Variants in ANXA8 observed in about 807,000 individuals in gnomAD.
The protein encoded by ANXA8 is VAC-beta.
Under a neutral mutation model 26.8 loss-of-function variants are expected in ANXA8, and 9 were observed. That is an observed-to-expected ratio of 0.34 (90% confidence interval 0.20 to 0.59). ANXA8 has a LOEUF of 0.59. Ranked by LOEUF, ANXA8 falls within the 20% of genes least tolerant of loss-of-function variation. ANXA8 has a pLI of 0.84. For missense variants in ANXA8, 83 were observed against 238.5 expected, an observed-to-expected ratio of 0.35 and a Z score of 4.29; for synonymous variants, 39 against 94.8, an observed-to-expected ratio of 0.41 and a Z score of 3.42.
At chr10:47,733,247 CTTTCTT>C in the ANXA8 span, among the ~76,000 whole-genome samples, 5 of 87,578 alleles carry the variant, frequency 5.7e-5, 1 homozygote, top group African/African-American at 1.4e-4. Flanking sequence ...TTCTTTCTTT[CTTTCTT>C]TCTTTCTTTC....
At chr10:47,956,999 T>C in the ANXA8 span, among the ~76,000 whole-genome samples, 1 of 150,442 alleles carries the variant, frequency 6.6e-6, no homozygotes, top group Non-Finnish European at 1.5e-5. Context: ...ATCCTTCCCT[T>C]AGTATCTCAG....
At chr10:47,491,643 T>A in the ANXA8 span, 9 of 1,540,546 alleles carry the variant, frequency 5.8e-6, no homozygotes, top group Admixed American at 2.0e-5. Flanking sequence ...GGCCAGGCCC[T>A]CGGCAGCCAG....
the ANXA8 span, among the ~76,000 whole-genome samples, chr10:47,743,335 T>TATATACACATATAC: frequency 4.1e-5 from 3 of 72,872 alleles, no homozygotes; most frequent in South Asian, 6.0e-4. Flanking sequence ...TATACATATA[T>TATATACACATATAC]ATATACATAT....
chr10:47,560,620 T>G, the ANXA8 span, among the ~76,000 whole-genome samples: 2 of 151,960 alleles, frequency 1.3e-5, no homozygotes, highest in African/African-American at 4.8e-5. Flanking sequence ...ATTCCCCATG[T>G]GCGATGTTCC....
chr10:47,941,442 G>GCT, the ANXA8 span, among the ~76,000 whole-genome samples: 1 of 146,682 alleles, frequency 6.8e-6, no homozygotes, highest in African/African-American at 2.6e-5. Flanking sequence ...ATCACTTGAG[G>GCT]TCAGGAGTTT....
the ANXA8 span, among the ~76,000 whole-genome samples, chr10:47,493,065 G>A: frequency 3.3e-5 from 5 of 151,646 alleles, no homozygotes; most frequent in South Asian, 4.1e-4. Flanking sequence ...AGTGGGTATC[G>A]TGGGCAGCAG....
chr10:47,485,191 A>G (rs1219779759), upstream of ANXA8, among the ~76,000 whole-genome samples: 8 of 152,120 alleles, frequency 5.3e-5, no homozygotes, highest in Admixed American at 5.2e-4. Flanking sequence ...TTTTCATCCA[A>G]GCGATTTGGT....
intron 7 of ANXA8, 52 bp downstream of exon 7, chr10:47,474,893 G>A: frequency 6.5e-7 from 1 of 1,528,838 alleles, no homozygotes; most frequent in South Asian, 1.2e-5. Flanking sequence ...AGAGGAGCCG[G>A]AGTCCAGATG....
the ANXA8 span, among the ~76,000 whole-genome samples, chr10:47,688,595 T>C: frequency 4.0e-5 from 6 of 151,502 alleles, no homozygotes; most frequent in South Asian, 1.3e-3. Flanking sequence ...CTAATTTTTG[T>C]ATTTTTAGTA....
chr10:47,931,734 A>AGAG, the ANXA8 span, among the ~76,000 whole-genome samples: 44 of 2,228 alleles, frequency 0.02, no homozygotes, highest in African/African-American at 0.087. Context: ...CCAAGAGGCC[A>AGAG]GTGAGGACAA....
the ANXA8 span, among the ~76,000 whole-genome samples, chr10:47,663,441 A>G: frequency 1.4e-5 from 2 of 139,512 alleles, no homozygotes; most frequent in Non-Finnish European, 3.0e-5. Flanking sequence ...GGCTGAGTGC[A>G]ATGACATCAT....
chr10:47,762,239 A>C, the ANXA8 span, among the ~76,000 whole-genome samples: 1 of 152,050 alleles, frequency 6.6e-6, no homozygotes, highest in African/African-American at 2.4e-5. Context: ...AAGAGGGGGC[A>C]AGGCCCCATT....
the ANXA8 span, among the ~76,000 whole-genome samples, chr10:47,967,199 G>C: frequency 6.7e-6 from 1 of 149,684 alleles, no homozygotes; most frequent in Non-Finnish European, 1.5e-5. Context: ...CCCCAGTCCT[G>C]GCCTCACTCT....
At chr10:47,982,114 C>T in the ANXA8 span, among the ~76,000 whole-genome samples, 1 of 151,246 alleles carries the variant, frequency 6.6e-6, no homozygotes, top group African/African-American at 2.4e-5. Context: ...ATAATGAGAC[C>T]CCATCTCTAC....
At chr10:47,497,706 G>A in the ANXA8 span, among the ~76,000 whole-genome samples, 2 of 148,616 alleles carry the variant, frequency 1.3e-5, no homozygotes, top group South Asian at 4.2e-4. Context: ...GGGAGGCCAA[G>A]GCAGGCGGAT....
At chr10:47,702,343 CTTT>C in the ANXA8 span, among the ~76,000 whole-genome samples, 5 of 140,130 alleles carry the variant, frequency 3.6e-5, no homozygotes, top group Non-Finnish European at 3.1e-5. Flanking sequence ...CTTTTCTTTT[CTTT>C]TTTTTTTTTT....
the ANXA8 span, among the ~76,000 whole-genome samples, chr10:47,685,940 A>C: frequency 1.3e-5 from 2 of 148,948 alleles, no homozygotes; most frequent in South Asian, 4.3e-4. Flanking sequence ...TATGCCTTTT[A>C]AACATTTTGG....
chr10:47,960,758 C>A, the ANXA8 span, among the ~76,000 whole-genome samples: 2 of 145,220 alleles, frequency 1.4e-5, no homozygotes, highest in African/African-American at 5.4e-5. Context: ...GCCCCCCCAA[C>A]AGTGATAGTC....
At chr10:47,673,739 G>C in the ANXA8 span, among the ~76,000 whole-genome samples, 1 of 151,794 alleles carries the variant, frequency 6.6e-6, no homozygotes. Context: ...ATAGTATAGA[G>C]AGTTCCCATA....
Sources: gnomAD v4.1 joint callset for allele counts (sites outside exome capture counted in the v4.1 genomes callset) on GRCh38, gnomAD v4.1.1 for gene constraint, MANE v1.5 for transcripts, NCBI Gene and HGNC (gene_info 2026-07-23, HGNC 2026-07-21) for gene names.